Variants in CACNA1H observed in about 807,000 individuals in gnomAD.
CACNA1H encodes the protein calcium voltage-gated channel subunit alpha1 H.
Under a neutral mutation model 192.5 loss-of-function variants are expected in CACNA1H, and 149 were observed. The observed-to-expected ratio is 0.77, with a 90% CI of 0.68 to 0.89. CACNA1H has a LOEUF of 0.89. Ranked by LOEUF, CACNA1H falls within the 40% of genes least tolerant of loss-of-function variation. The probability of loss-of-function intolerance (pLI) is 0.00; values close to 1 mark genes in which losing one functional copy is unlikely to be tolerated. For missense variants in CACNA1H, 4,257 were observed against 3,423.5 expected (o/e 1.24, Z -6.08); for synonymous variants, 2,202 against 1,475.2 (o/e 1.49, Z -11.29).
At chr16:1,212,380 C>CCCCA (rs1368716200) in intron 25 of CACNA1H, 131 bp from the exon 26 acceptor site, 16 of 1,062,686 alleles carry the variant, frequency 1.5e-5, no homozygotes, top group Non-Finnish European at 2.0e-5. Flanking sequence ...GAGGCAGGTT[C>CCCCA]CCCACCGAGT....
chr16:1,171,041 C>T (rs545804102), intron 2 of CACNA1H, among the ~76,000 whole-genome samples: 1 of 152,214 alleles, frequency 6.6e-6, no homozygotes, highest in South Asian at 2.1e-4. Context: ...ACCCATAGCC[C>T]GTCCCTCCCT....
chr16:1,189,204 C>T (rs1457209017), intron 2 of CACNA1H, among the ~76,000 whole-genome samples: 4 of 151,506 alleles, frequency 2.6e-5, no homozygotes, highest in Non-Finnish European at 5.9e-5. Context: ...GAGCTGGTGT[C>T]CCTGAAGCGT....
chr16:1,219,248 G>C (rs1365262581), intron 34 of CACNA1H, 118 bp downstream of exon 34: 1 of 1,030,298 alleles, frequency 9.7e-7, no homozygotes, highest in Non-Finnish European at 1.4e-6. Context: ...GTCGCACTGG[G>C]TCCTTGGGGC....
chr16:1,212,590 G>A (rs866376151), intron 26 of CACNA1H, 62 bp downstream of exon 26: 20 of 1,568,170 alleles, frequency 1.3e-5, no homozygotes, highest in Middle Eastern at 1.7e-4. Context: ...GGGGAAGGGC[G>A]GGCATCCCAG....
intron 2 of CACNA1H, among the ~76,000 whole-genome samples, chr16:1,158,360 G>A (rs1283781446): frequency 6.6e-6 from 1 of 152,154 alleles, no homozygotes; most frequent in Non-Finnish European, 1.5e-5. Flanking sequence ...GAGGCCCCCG[G>A]GGGTGACGAC....
chr16:1,215,064 T>C lies in CACNA1H; in HGVS notation c.5022T>C (p.Arg1674=). ...TGAAGCTGGTAGCATTTGGGTTCCG[T>C]CGGTTCTTCAAGGACAGGTGTGTGT... The part of the protein sequence containing the change: ...AALKLVAFGF[R]RFFKDRWNQL... The change falls in exon 28 of 35, where the codon CGT becomes CGC. Residue 1674 remains arginine, a synonymous_variant. Transcript: ENST00000348261. 6.2e-7 allele frequency: 1 copy of C among 1,612,328 alleles called. No homozygotes were observed. The highest frequency in any genetic ancestry group is 1.3e-5 in the African/African-American group (1 of 74,966).
At chr16:1,171,204 C>G (rs954056958) in intron 2 of CACNA1H, among the ~76,000 whole-genome samples, 2 of 152,102 alleles carry the variant, frequency 1.3e-5, no homozygotes, top group African/African-American at 4.8e-5. Context: ...TGTCTGCTCA[C>G]CCCCGCGCCG....
At chr16:1,179,130 A>G (rs1965210874) in intron 2 of CACNA1H, among the ~76,000 whole-genome samples, 1 of 152,092 alleles carries the variant, frequency 6.6e-6, no homozygotes. Flanking sequence ...CTGGGAAGCA[A>G]AACCACAGCA....
intron 3 of CACNA1H, 64 bp from the exon 4 acceptor site, chr16:1,195,368 G>C: frequency 6.5e-7 from 1 of 1,544,238 alleles, no homozygotes; most frequent in Non-Finnish European, 8.7e-7. Context: ...TTGCGGGGCT[G>C]GGGTTGGGGG....
chr16:1,211,605 A>AGGTGG lies in CACNA1H; in HGVS notation c.4476+1_4476+5dup. 6.2e-7 allele frequency: 1 copy of AGGTGG among 1,609,646 alleles called. No homozygotes were observed. The highest frequency in any genetic ancestry group is 1.7e-5 in the Admixed American group (1 of 59,670). ...AAGTACAACTTCGACAACCTGGGCC[A>AGGTGG]GGTGGGCTGGGCGGCCGGGCGGGAG... On this transcript the variant is annotated frameshift_variant and splice_region_variant, in exon 23 of 35. Coordinates refer to ENST00000348261, the MANE Select transcript of CACNA1H (RefSeq NM_021098.3). LOFTEE classifies it high-confidence loss of function.
intron 12 of CACNA1H, chr16:1,206,504 G>T: frequency 1.7e-6 from 1 of 573,806 alleles, no homozygotes; most frequent in Admixed American, 3.2e-5. Flanking sequence ...AGATGGCAGG[G>T]GTCAGAGATG....
At chr16:1,209,991 G>C (rs1681849014) in intron 17 of CACNA1H, 44 bp from the exon 18 acceptor site, 10 of 1,448,058 alleles carry the variant, frequency 6.9e-6, no homozygotes, top group Non-Finnish European at 9.4e-6. Flanking sequence ...GGGGGGCCGG[G>C]CAGGCAGGCG....
intron 2 of CACNA1H, among the ~76,000 whole-genome samples, chr16:1,189,269 G>T (rs1156809516): frequency 6.6e-6 from 1 of 152,050 alleles, no homozygotes; most frequent in African/African-American, 2.4e-5. Flanking sequence ...CCAGCCCCTG[G>T]CAGGGCTTCA....
At position 1,153,119 on chromosome 16, in the gene CACNA1H, C is replaced by A. The variant is rs1018106201; in HGVS notation, c.-370C>A. On this transcript the variant is annotated 5_prime_UTR_variant, in exon 1 of 35. It adds an upstream start codon to the 5' untranslated region. Coordinates refer to ENST00000348261, the MANE Select transcript of CACNA1H (RefSeq NM_021098.3). ...CCCCCGCCGCTCAGCCCGAAGTTTC[C>A]TGCGCCGCGCGCGGACGGGCTCGAG... The A allele has an allele frequency of 6.2e-5, 9 of 144,248 alleles. No homozygotes were observed. The highest frequency in any genetic ancestry group is 1.5e-4 in the African/African-American group (6 of 40,308). The allele number at this position is 144,248 out of a possible 1,614,324, so 8.9% of individuals were successfully genotyped here.
rs541053755 is a variant in CACNA1H at position 1,207,057 on chromosome 16, A to G, written c.2846A>G (p.Asp949Gly). 1.2e-6 allele frequency: 2 copies of G among 1,603,258 alleles called. No homozygotes were observed. Among genetic ancestry groups the G allele is most frequent in the Non-Finnish European group, 1.7e-6 (2 of 1,175,112 alleles). The change falls in exon 13 of 35, where the codon GAC becomes GGC. Residue 949 changes from aspartate (D) to glycine (G), a missense_variant. Physicochemically the swap from Asp to Gly is moderately conservative, Grantham distance 94. Transcript: ENST00000348261. ...TTCAGCCTGAAGACAGACACCGGAG[A>G]CACCGTGCCTGACAGGAAGAACTTC... is the stretch of plus-strand genomic sequence containing the variant. ...CKFSLKTDTG[D>G]TVPDRKNFDS...
intron 21 of CACNA1H, 90 bp from the exon 22 acceptor site, chr16:1,211,078 C>G (rs545634430): frequency 5.8e-6 from 9 of 1,560,748 alleles, no homozygotes; most frequent in Non-Finnish European, 7.8e-6. Context: ...GCCGCCCACT[C>G]GGCCCCACCT....
In CACNA1H at chr16:1,168,846, C is replaced by T. The variant is rs972064043; in HGVS notation, c.299+14810C>T. Among the ~76,000 whole-genome samples the T allele has an allele frequency of 5.5e-5, 8 of 144,880 alleles. No individual in the cohort carries two copies. In the East Asian group the frequency reaches 1.4e-3, roughly 25 times the overall value. On this transcript the variant is annotated intron_variant, in intron 2 of 34. Transcript: ENST00000348261. ...GGTGAGGCTGTCTGCATCGGGTACT[C>T]CCTCCTCCTCAGCCCGCTCCCCACT...
chr16:1,169,583 C>T (rs946727882), intron 2 of CACNA1H, among the ~76,000 whole-genome samples: 8 of 152,226 alleles, frequency 5.3e-5, no homozygotes, highest in South Asian at 2.1e-4. Context: ...CAGAGCTGTG[C>T]GGGCCGTGCT....
At chr16:1,207,639 T>C in intron 14 of CACNA1H, 131 bp from the exon 15 acceptor site, 1 of 943,246 alleles carries the variant, frequency 1.1e-6, no homozygotes, top group East Asian at 2.6e-5. Flanking sequence ...CTGCCCACCC[T>C]GGCAGTGACA....
Sources: allele counts gnomAD v4.1 joint callset (sites outside exome capture counted in the v4.1 genomes callset), GRCh38; gene constraint gnomAD v4.1.1; transcripts MANE v1.5; gene names NCBI Gene and HGNC (gene_info 2026-07-23, HGNC 2026-07-21).